The following PRIM2 variants were observed in gnomAD, a reference collection of about 807,000 sequenced individuals.
PRIM2 encodes the protein DNA primase large subunit.
A neutral mutation model predicts 67.3 loss-of-function variants in PRIM2; 39 were observed. The ratio of observed to expected loss-of-function variants is 0.58; its 90% CI spans 0.45 to 0.76. PRIM2 has a LOEUF of 0.76. Among genes scored for constraint, PRIM2 ranks in the 30% least tolerant of loss-of-function variants. The pLI, the probability that PRIM2 is intolerant of heterozygous loss-of-function variation, is 0.00. For missense variants in PRIM2, 398 were observed against 598.7 expected, an observed-to-expected ratio of 0.66 and a Z score of 3.50; for synonymous variants, 143 against 198.7, an observed-to-expected ratio of 0.72 and a Z score of 2.36.
At chr6:57,456,474 T>G (rs1334386155) in intron 7 of PRIM2, among the ~76,000 whole-genome samples, 1 of 152,174 alleles carries the variant, frequency 6.6e-6, no homozygotes, top group East Asian at 1.9e-4. Flanking sequence ...TCTTGGAGGC[T>G]TTGTTCGTTT....
chr6:57,555,314 C>T (rs1775490659), intron 10 of PRIM2, among the ~76,000 whole-genome samples: 1 of 152,098 alleles, frequency 6.6e-6, no homozygotes, highest in South Asian at 2.1e-4. Flanking sequence ...GAGTCTTGCT[C>T]TGTCATCCAG....
intron 12 of PRIM2, among the ~76,000 whole-genome samples, chr6:57,608,888 T>A (rs1437749970): frequency 4.6e-5 from 7 of 151,960 alleles, no homozygotes; most frequent in African/African-American, 1.7e-4. Flanking sequence ...AAAGAAAATA[T>A]CTCTCTAACC....
chr6:57,245,895 T>A, the PRIM2 span, among the ~76,000 whole-genome samples: 1 of 152,330 alleles, frequency 6.6e-6, no homozygotes, highest in African/African-American at 2.4e-5. Context: ...TAATATAAAG[T>A]TACAGCTTTA....
chr6:57,346,889 T>C (rs1768694364), intron 5 of PRIM2, among the ~76,000 whole-genome samples: 1 of 152,096 alleles, frequency 6.6e-6, no homozygotes, highest in Non-Finnish European at 1.5e-5. Flanking sequence ...GCGTAACAAA[T>C]CCATTTGGTC....
intron 7 of PRIM2, among the ~76,000 whole-genome samples, chr6:57,456,349 G>T (rs1772779794): frequency 6.6e-6 from 1 of 152,162 alleles, no homozygotes; most frequent in African/African-American, 2.4e-5. Context: ...CTAGATTGGG[G>T]AAGTTCTCCT....
At chr6:57,226,171 GA>G in the PRIM2 span, among the ~76,000 whole-genome samples, 1 of 152,138 alleles carries the variant, frequency 6.6e-6, no homozygotes, top group African/African-American at 2.4e-5. Flanking sequence ...GACCAAAAAA[GA>G]AAGTATACAA....
chr6:57,319,622 A>G (rs535634681), intron 2 of PRIM2, among the ~76,000 whole-genome samples: 87 of 152,324 alleles, frequency 5.7e-4, no homozygotes, highest in Non-Finnish European at 1.0e-3. Flanking sequence ...GATAATGACA[A>G]TGGCAGTGGT....
the PRIM2 span, among the ~76,000 whole-genome samples, chr6:57,266,425 G>A: frequency 6.6e-6 from 1 of 152,136 alleles, no homozygotes; most frequent in Non-Finnish European, 1.5e-5. Context: ...AAAAATATCA[G>A]AGTTTTCAAT....
At chr6:57,420,874 C>CACTTG (rs1771439844) in intron 7 of PRIM2, among the ~76,000 whole-genome samples, 1 of 152,158 alleles carries the variant, frequency 6.6e-6, no homozygotes, top group Admixed American at 6.5e-5. Flanking sequence ...GTGGAGATAT[C>CACTTG]TGGCATGTAA....
the PRIM2 span, among the ~76,000 whole-genome samples, chr6:57,290,221 C>G: frequency 4.0e-5 from 6 of 151,680 alleles, no homozygotes; most frequent in East Asian, 1.2e-3. Flanking sequence ...CAGACTTAGT[C>G]TCTGATAAAA....
chr6:57,300,372 G>C, the PRIM2 span, among the ~76,000 whole-genome samples: 3 of 152,066 alleles, frequency 2.0e-5, no homozygotes, highest in African/African-American at 7.2e-5. Flanking sequence ...AAACACCCTG[G>C]GCTTCAGCTC....
chr6:57,583,752 C>T (rs1197101651), intron 10 of PRIM2, among the ~76,000 whole-genome samples: 12 of 152,378 alleles, frequency 7.9e-5, no homozygotes, highest in African/African-American at 1.9e-4. Flanking sequence ...AATCGCCACA[C>T]TGACTTCTAC....
chr6:57,340,177 A>T (rs966761064), intron 5 of PRIM2, among the ~76,000 whole-genome samples: 1 of 152,214 alleles, frequency 6.6e-6, no homozygotes, highest in Non-Finnish European at 1.5e-5. Context: ...CACCAGTTAG[A>T]ATGGCAGTCA....
chr6:57,509,134 CTGCTCTCCAGTAA>C (rs1213186553), intron 8 of PRIM2, among the ~76,000 whole-genome samples: 3 of 150,798 alleles, frequency 2.0e-5, no homozygotes, highest in East Asian at 3.9e-4. Context: ...CCTTTTCTTC[CTGCTCTCCAGTAA>C]CTGTTCCTTC....
At chr6:57,270,131 T>C in the PRIM2 span, among the ~76,000 whole-genome samples, 8 of 152,034 alleles carry the variant, frequency 5.3e-5, no homozygotes, top group Non-Finnish European at 1.0e-4. Flanking sequence ...TTTGGTTCCA[T>C]ATGAACTTTA....
chr6:57,403,613 T>C (rs1337373473), intron 7 of PRIM2, among the ~76,000 whole-genome samples: 2 of 152,134 alleles, frequency 1.3e-5, no homozygotes, highest in Non-Finnish European at 2.9e-5. Context: ...TTTCTCTCTA[T>C]AGTGCTTTGC....
chr6:57,382,419 A>G, intron 7 of PRIM2: 1 of 311,370 alleles, frequency 3.2e-6, no homozygotes, highest in Non-Finnish European at 5.8e-6. Context: ...TTTGTGAGTA[A>G]CCTCTGTGGG....
intron 7 of PRIM2, among the ~76,000 whole-genome samples, chr6:57,492,962 T>C (rs1305046858): frequency 6.6e-6 from 1 of 152,344 alleles, no homozygotes; most frequent in African/African-American, 2.4e-5. Context: ...AATACAGCAA[T>C]ACATTATATG....
chr6:57,327,607 G>C (rs374360837), intron 5 of PRIM2, among the ~76,000 whole-genome samples: 11 of 152,186 alleles, frequency 7.2e-5, no homozygotes, highest in East Asian at 3.8e-4. Flanking sequence ...GGTACCATCT[G>C]AACCAAACCC....
Sources: allele counts gnomAD v4.1 joint callset (sites outside exome capture counted in the v4.1 genomes callset), GRCh38; gene constraint gnomAD v4.1.1; transcripts MANE v1.5; gene names NCBI Gene and HGNC (gene_info 2026-07-23, HGNC 2026-07-21).